Variants in ERC2 observed in about 807,000 individuals in gnomAD.
ERC2 encodes the protein ELKS/RAB6-interacting/CAST family member 2, also known as ERC protein 2.
In ERC2, 42 loss-of-function variants were observed where a neutral mutation model predicts 114.8. That is an observed-to-expected ratio of 0.37 (90% CI 0.29 to 0.47). The LOEUF is 0.47. Among genes scored for constraint, ERC2 ranks in the 20% least tolerant of loss-of-function variants. The pLI, the probability that ERC2 is intolerant of heterozygous loss-of-function variation, is 0.99. For synonymous variants in ERC2, 454 were observed against 425.5 expected, an observed-to-expected ratio of 1.07 and a Z score of -0.82; for missense variants, 939 against 1,150.7, an observed-to-expected ratio of 0.82 and a Z score of 2.66.
chr3:56,382,496 T>C (rs2059789560), intron 2 of ERC2, among the ~76,000 whole-genome samples: 1 of 152,158 alleles, frequency 6.6e-6, no homozygotes, highest in Non-Finnish European at 1.5e-5. Flanking sequence ...CTTAGCAATA[T>C]TGATGTCATT....
At position 55,527,712 on chromosome 3, in the gene ERC2, G is replaced by C. The variant is rs148603100; in HGVS notation, c.*40-16436C>G. 3.3e-3 allele frequency among the ~76,000 whole-genome samples: 495 copies of C among 152,206 alleles called. 1 individual carries two copies. Among genetic ancestry groups the C allele is most frequent in the African/African-American group, 0.011 (473 of 41,504 alleles). On this transcript the variant is annotated intron_variant, in intron 17 of 17. Coordinates refer to ENST00000288221, the MANE Select transcript of ERC2 (RefSeq NM_015576.3). ...CAGAGGCATGCCATACCTCCTCCTG[G>C]AATGAATGAATGAATGAGAAACTCA...
intron 7 of ERC2, among the ~76,000 whole-genome samples, chr3:56,032,977 G>GAAAGAGAAAGAAAGAAAGAA (rs767054115): frequency 8.8e-5 from 4 of 45,438 alleles, no homozygotes; most frequent in Admixed American, 2.1e-4. Flanking sequence ...AAGAAAGAAA[G>GAAAGAGAAAGAAAGAAAGAA]AGAAAGAAAG....
chr3:56,424,049 T>A (rs1464912736), intron 2 of ERC2, among the ~76,000 whole-genome samples: 2 of 152,182 alleles, frequency 1.3e-5, no homozygotes, highest in Non-Finnish European at 2.9e-5. Context: ...ACCCACCCCA[T>A]CTGCTTTGGC....
intron 2 of ERC2, among the ~76,000 whole-genome samples, chr3:56,304,610 C>T (rs1348919614): frequency 2.0e-5 from 3 of 152,058 alleles, no homozygotes; most frequent in Admixed American, 6.5e-5. Flanking sequence ...CACACTTAGA[C>T]GATGAGTATT....
chr3:55,723,194 C>T (rs1337153314), intron 15 of ERC2, among the ~76,000 whole-genome samples: 1 of 151,920 alleles, frequency 6.6e-6, no homozygotes, highest in East Asian at 1.9e-4. Context: ...GTTTAAAAGG[C>T]TAAACAAACT....
chr3:55,920,415 AACAC>A (rs10560997), intron 13 of ERC2, among the ~76,000 whole-genome samples: 114 of 146,824 alleles, frequency 7.8e-4, no homozygotes, highest in East Asian at 3.6e-3. Context: ...GGCACACTAA[AACAC>A]ACACACACAC....
At chr3:55,609,318 A>G (rs1366547183) in intron 17 of ERC2, among the ~76,000 whole-genome samples, 2 of 152,178 alleles carry the variant, frequency 1.3e-5, no homozygotes, top group Non-Finnish European at 2.9e-5. Context: ...GCCCCAGCCA[A>G]TTAGCTTCCA....
Position 56,178,469 on chromosome 3 carries a change from A to C in ERC2, c.1075-4949T>G, listed in dbSNP as rs372016052. On this transcript the variant is annotated intron_variant, in intron 3 of 17. Transcript: ENST00000288221. ...TATTACCTAACCTTGAAAGTCCTATAGCACCACTTCTGTCATGCTCTTTTG... is the reference window on the plus strand; with the variant it reads ...TATTACCTAACCTTGAAAGTCCTATCGCACCACTTCTGTCATGCTCTTTTG... Among the ~76,000 whole-genome samples, 15 of 152,312 alleles carry C rather than the reference A, an allele frequency of 9.8e-5. No homozygotes were observed. In the East Asian group the frequency reaches 1.4e-3, roughly 14 times the overall value.
chr3:56,247,932 C>T (rs2051831492), intron 3 of ERC2, among the ~76,000 whole-genome samples: 1 of 152,218 alleles, frequency 6.6e-6, no homozygotes, highest in Admixed American at 6.5e-5. Context: ...CTATCTGAAA[C>T]ACAGGACATG....
At chr3:55,534,734 G>A (rs1248149886) in intron 17 of ERC2, among the ~76,000 whole-genome samples, 2 of 152,090 alleles carry the variant, frequency 1.3e-5, no homozygotes, top group Non-Finnish European at 2.9e-5. Flanking sequence ...CAAAATAATA[G>A]CTCAATAAAT....
chr3:55,823,978 C>G (rs1418072413), intron 14 of ERC2, among the ~76,000 whole-genome samples: 1 of 152,176 alleles, frequency 6.6e-6, no homozygotes, highest in African/African-American at 2.4e-5. Flanking sequence ...AGGCCTCTCT[C>G]CTTTGGCTTG....
Position 55,743,093 on chromosome 3 carries a change from A to T in ERC2, c.2565-8175T>A, listed in dbSNP as rs111874261. 4.7e-3 allele frequency among the ~76,000 whole-genome samples: 723 copies of T among 152,328 alleles called. 14 individuals are homozygous for T. The highest frequency in any genetic ancestry group is 0.017 in the African/African-American group (691 of 41,574). Reference sequence around the variant, plus strand: ...CCCACCTAAAACTGACCTCAAAAAAATAGTTTACTCCAATTACGGAGAATT... The same window carrying T: ...CCCACCTAAAACTGACCTCAAAAAATTAGTTTACTCCAATTACGGAGAATT... On this transcript the variant is annotated intron_variant, in intron 14 of 17. Coordinates refer to ENST00000288221, the MANE Select transcript of ERC2 (RefSeq NM_015576.3).
At chr3:55,710,454 T>C (rs935788499) in intron 15 of ERC2, among the ~76,000 whole-genome samples, 3 of 152,116 alleles carry the variant, frequency 2.0e-5, no homozygotes, top group Non-Finnish European at 2.9e-5. Flanking sequence ...TCAAATTTCA[T>C]CTGGAAATGT....
chr3:56,431,513 C>A (rs2061788123), intron 2 of ERC2, among the ~76,000 whole-genome samples: 1 of 152,212 alleles, frequency 6.6e-6, no homozygotes, highest in Non-Finnish European at 1.5e-5. Context: ...GTCACCTGAC[C>A]TGCTTCTTAC....
At chr3:56,140,574 T>C (rs186662918) in intron 5 of ERC2, among the ~76,000 whole-genome samples, 282 of 152,304 alleles carry the variant, frequency 1.9e-3, no homozygotes, top group Admixed American at 5.0e-3. Flanking sequence ...CACTCTGCTG[T>C]TGATAGAAAT....
chr3:56,023,324 T>C (rs2073840739), intron 7 of ERC2, among the ~76,000 whole-genome samples: 1 of 152,132 alleles, frequency 6.6e-6, no homozygotes, highest in Admixed American at 6.6e-5. Flanking sequence ...AACTCCCTGA[T>C]ATCATACATG....
At chr3:55,579,659 G>A (rs775405173) in intron 17 of ERC2, among the ~76,000 whole-genome samples, 6 of 152,352 alleles carry the variant, frequency 3.9e-5, no homozygotes, top group African/African-American at 1.2e-4. Context: ...GAAAGCCCTC[G>A]GTTTACTTCC....
In ERC2 at chr3:56,010,707, A is replaced by G. The variant is rs1035840248; in HGVS notation, c.1780-118T>C. 50 of 1,187,272 alleles carry G rather than the reference A, an allele frequency of 4.2e-5. 1 individual carries two copies. The Admixed American group carries it at 7.6e-4, about 18-fold the overall frequency. The allele number at this position is 1,187,272 out of a possible 1,614,324, so 73.5% of individuals were successfully genotyped here. A position where few individuals can be genotyped will look rare whatever the true frequency, so the allele number is the denominator to read the frequency against. On this transcript the variant is annotated intron_variant, in intron 8 of 17. Coordinates refer to ENST00000288221, the MANE Select transcript of ERC2 (RefSeq NM_015576.3). ...AGAAATGCTGTACAGGAATCAACAC[A>G]CACAAGAAAATCAAAATTGGATTCG...
At chr3:56,210,010 T>C (rs2048962560) in intron 3 of ERC2, among the ~76,000 whole-genome samples, 1 of 152,162 alleles carries the variant, frequency 6.6e-6, no homozygotes, top group African/African-American at 2.4e-5. Flanking sequence ...TAAAGTACTT[T>C]TATGATTAGC....
Sources: allele counts gnomAD v4.1 joint callset (sites outside exome capture counted in the v4.1 genomes callset), GRCh38; gene constraint gnomAD v4.1.1; transcripts MANE v1.5; gene names NCBI Gene and HGNC (gene_info 2026-07-23, HGNC 2026-07-21).